LEKR1: variants seen among roughly 807,000 people sequenced by gnomAD.
LEKR1 encodes the protein leucine, glutamate and lysine rich 1, also known as protein LEKR1.
LEKR1 carries 59 observed loss-of-function variants against 72.4 expected under a neutral mutation model. The ratio of observed to expected loss-of-function variants is 0.82; its 90% CI spans 0.66 to 1.01. LEKR1 has a LOEUF of 1.01. Among genes scored for constraint, LEKR1 ranks in the 50% least tolerant of loss-of-function variants. The pLI is 0.00. For missense variants in LEKR1, 728 were observed against 759.2 expected (o/e 0.96, Z 0.48); for synonymous variants, 257 against 263.2 (o/e 0.98, Z 0.23).
At chr3:157,022,465 A>G (rs1560153077) in intron 10 of LEKR1, among the ~76,000 whole-genome samples, 1 of 152,128 alleles carries the variant, frequency 6.6e-6, no homozygotes, top group East Asian at 1.9e-4. Context: ...AGAGAAATGG[A>G]TGCAAAGCAT....
Position 156,992,746 on chromosome 3 carries a change from T to C in LEKR1, c.905+16T>C. On this transcript the variant is annotated intron_variant, in intron 8 of 12. Transcript: ENST00000356539. The stretch of plus-strand genomic sequence containing the variant: ...CTGAGTCACAGTATGCATTACCAAT[T>C]TTTAAATTTATATTTTTAATAATTG... The C allele has an allele frequency of 1.5e-6, 1 of 661,534 alleles. No homozygotes were observed. The highest frequency in any genetic ancestry group is 1.0e-4 in the East Asian group (1 of 9,698). 41.0% of individuals were successfully genotyped at this position (661,534 alleles called of 1,614,324 possible). A position where few individuals can be genotyped will look rare whatever the true frequency, so the allele number is the denominator to read the frequency against.
chr3:156,909,053 G>A (rs149294934), intron 3 of LEKR1, among the ~76,000 whole-genome samples: 50 of 152,184 alleles, frequency 3.3e-4, no homozygotes, highest in African/African-American at 1.2e-3. Flanking sequence ...GAGAGCTGAT[G>A]GTTTTATAAG....
At chr3:156,948,396 A>AT (rs1204927278) in intron 6 of LEKR1, among the ~76,000 whole-genome samples, 3 of 151,152 alleles carry the variant, frequency 2.0e-5, no homozygotes, top group Non-Finnish European at 4.5e-5. Flanking sequence ...TACAGTAGAC[A>AT]TTTTTTATTA....
chr3:156,882,533 A>T (rs1000983964), intron 3 of LEKR1, among the ~76,000 whole-genome samples: 1 of 152,044 alleles, frequency 6.6e-6, no homozygotes, highest in Non-Finnish European at 1.5e-5. Flanking sequence ...GAGAAATAGG[A>T]ACACTTTTAC....
chr3:156,831,684 A>T (rs992670594), intron 2 of LEKR1, among the ~76,000 whole-genome samples: 6 of 152,138 alleles, frequency 3.9e-5, no homozygotes, highest in African/African-American at 1.4e-4. Flanking sequence ...AAACCATCAG[A>T]TCTTGTGAGA....
intron 4 of LEKR1, among the ~76,000 whole-genome samples, chr3:156,926,801 A>C (rs1724758863): frequency 6.6e-6 from 1 of 151,926 alleles, no homozygotes; most frequent in African/African-American, 2.4e-5. Context: ...AGGGATGTAA[A>C]TATTGACAAA....
At chr3:156,875,121 G>A (rs187827302) in intron 3 of LEKR1, among the ~76,000 whole-genome samples, 4 of 152,246 alleles carry the variant, frequency 2.6e-5, no homozygotes, top group Admixed American at 1.3e-4. Flanking sequence ...GTTTTCCATA[G>A]TGGTTATACT....
chr3:157,009,652 T>C (rs1296581559), intron 9 of LEKR1, among the ~76,000 whole-genome samples: 1 of 152,056 alleles, frequency 6.6e-6, no homozygotes, highest in South Asian at 2.1e-4. Context: ...AACAAAGACA[T>C]TCACCATAAC....
In LEKR1 at chr3:156,966,485, C is replaced by T. The variant is rs551943619; in HGVS notation, c.746-12709C>T. Reference sequence around the variant, plus strand: ...AATGACACATCAGGAGATTATATCCCGCACCGGGCGTGGAGGGTCCTGCGC... The same window carrying T: ...AATGACACATCAGGAGATTATATCCTGCACCGGGCGTGGAGGGTCCTGCGC... On this transcript the variant is annotated intron_variant, in intron 6 of 12. Transcript: ENST00000356539. Among the ~76,000 whole-genome samples, 79 of 152,326 alleles carry T rather than the reference C, an allele frequency of 5.2e-4. 2 individuals are homozygous for T. The highest frequency in any genetic ancestry group is 7.2e-4 in the Non-Finnish European group (49 of 68,022).
intron 5 of LEKR1, among the ~76,000 whole-genome samples, chr3:156,933,261 TAAA>T (rs1725411364): frequency 6.6e-6 from 1 of 152,244 alleles, no homozygotes; most frequent in African/African-American, 2.4e-5. Context: ...TTCCATTATT[TAAA>T]CATTCATATA....
intron 2 of LEKR1, among the ~76,000 whole-genome samples, chr3:156,851,628 A>T (rs1023064647): frequency 2.6e-5 from 4 of 152,088 alleles, no homozygotes; most frequent in Non-Finnish European, 5.9e-5. Flanking sequence ...TTTAATTTAA[A>T]ATTTTTACTA....
Position 156,829,294 on chromosome 3 carries a change from T to A in LEKR1, c.-36T>A, listed in dbSNP as rs1273914290. On this transcript the variant is annotated 5_prime_UTR_variant, in exon 2 of 13. Transcript: ENST00000356539. ...GCCATCAATGTTCTTAGATTTCCTT[T>A]GGCTTCAAAGCTCTCTCACCATATT... 1.2e-5 allele frequency: 16 copies of A among 1,375,194 alleles called. No individual in the cohort carries two copies. The highest frequency in any genetic ancestry group is 1.6e-5 in the Non-Finnish European group (16 of 1,003,068). 85.2% of individuals were successfully genotyped at this position (1,375,194 alleles called of 1,614,324 possible). A position where few individuals can be genotyped will look rare whatever the true frequency, so the allele number is the denominator to read the frequency against.
At chr3:156,978,524 G>A (rs1729899447) in intron 6 of LEKR1, among the ~76,000 whole-genome samples, 1 of 152,170 alleles carries the variant, frequency 6.6e-6, no homozygotes, top group Non-Finnish European at 1.5e-5. Flanking sequence ...ACAATGGAAG[G>A]ACTTAGATAA....
intron 6 of LEKR1, among the ~76,000 whole-genome samples, chr3:156,967,750 A>G (rs1299805567): frequency 6.6e-6 from 1 of 152,210 alleles, no homozygotes; most frequent in African/African-American, 2.4e-5. Flanking sequence ...GCAGGCCAAC[A>G]TTCAAATTCA....
At chr3:156,924,501 C>G in intron 4 of LEKR1, 1 of 685,424 alleles carries the variant, frequency 1.5e-6, no homozygotes, top group Non-Finnish European at 2.7e-6. Context: ...ATAGATTGTG[C>G]TTTTGCTGAT....
intron 3 of LEKR1, among the ~76,000 whole-genome samples, chr3:156,918,612 A>G (rs1308996412): frequency 1.3e-5 from 2 of 152,262 alleles, no homozygotes; most frequent in Non-Finnish European, 1.5e-5. Flanking sequence ...GTGAGATTAT[A>G]TATATATTTA....
intron 3 of LEKR1, among the ~76,000 whole-genome samples, chr3:156,899,834 G>A (rs1220509980): frequency 2.7e-5 from 4 of 150,202 alleles, no homozygotes; most frequent in Non-Finnish European, 5.9e-5. Context: ...GTATATATAT[G>A]TACATATGTG....
chr3:156,984,987 A>G (rs1418080757), intron 7 of LEKR1, among the ~76,000 whole-genome samples: 1 of 151,876 alleles, frequency 6.6e-6, no homozygotes, highest in Non-Finnish European at 1.5e-5. Context: ...CTTCCTGTTC[A>G]TTCATGAAAA....
chr3:156,842,495 C>T (rs1022438135), intron 2 of LEKR1, among the ~76,000 whole-genome samples: 1 of 151,800 alleles, frequency 6.6e-6, no homozygotes. Flanking sequence ...AAGGTGAGAG[C>T]CTTTCCTATT....
Sources: allele counts gnomAD v4.1 joint callset (sites outside exome capture counted in the v4.1 genomes callset), GRCh38; gene constraint gnomAD v4.1.1; transcripts MANE v1.5; gene names NCBI Gene and HGNC (gene_info 2026-07-23, HGNC 2026-07-21).